DMRT1: variants seen among roughly 807,000 people sequenced by gnomAD.
DMRT1 encodes the protein doublesex and mab-3 related transcription factor 1.
In DMRT1, 7 loss-of-function variants were observed where a neutral mutation model predicts 32.3. That is an observed-to-expected ratio of 0.22 (90% CI 0.12 to 0.41). The LOEUF is 0.41. Among genes scored for constraint, DMRT1 ranks in the 10% least tolerant of loss-of-function variants. The pLI, the probability that DMRT1 is intolerant of heterozygous loss-of-function variation, is 1.00. For missense variants in DMRT1, 625 were observed against 500.5 expected, an observed-to-expected ratio of 1.25 and a Z score of -2.37; for synonymous variants, 278 against 206.1, an observed-to-expected ratio of 1.35 and a Z score of -2.99.
intron 4 of DMRT1, among the ~76,000 whole-genome samples, chr9:933,975 C>G (rs1334182172): frequency 6.6e-6 from 1 of 151,502 alleles, no homozygotes; most frequent in African/African-American, 2.4e-5. Flanking sequence ...TGAGTGACTG[C>G]TAACAGAATT....
At chr9:890,763 G>A (rs951422688) in intron 2 of DMRT1, among the ~76,000 whole-genome samples, 1 of 152,134 alleles carries the variant, frequency 6.6e-6, no homozygotes, top group Non-Finnish European at 1.5e-5. Flanking sequence ...CACCCAGGCT[G>A]GAGTGCAGTG....
intron 4 of DMRT1, among the ~76,000 whole-genome samples, chr9:951,415 T>C (rs1219374347): frequency 6.6e-6 from 1 of 152,176 alleles, no homozygotes; most frequent in Non-Finnish European, 1.5e-5. Flanking sequence ...TTCTGTAAAT[T>C]ATGAAAATTT....
intron 2 of DMRT1, among the ~76,000 whole-genome samples, chr9:862,106 TG>T (rs1398170628): frequency 2.8e-5 from 2 of 70,642 alleles, no homozygotes; most frequent in Admixed American, 1.4e-4. Flanking sequence ...GGGTGGCGGC[TG>T]GGCAGAGGCT....
chr9:871,702 C>A (rs1275813333), intron 2 of DMRT1, among the ~76,000 whole-genome samples: 1 of 148,920 alleles, frequency 6.7e-6, no homozygotes, highest in Non-Finnish European at 1.5e-5. Context: ...TCTCAATCTC[C>A]TGACCTCGTG....
chr9:943,778 A>C (rs981913856), intron 4 of DMRT1, among the ~76,000 whole-genome samples: 5 of 152,186 alleles, frequency 3.3e-5, no homozygotes, highest in African/African-American at 1.2e-4. Context: ...AAGAGGATTT[A>C]TTTTTGTAAG....
intron 2 of DMRT1, among the ~76,000 whole-genome samples, chr9:890,097 T>G (rs957615570): frequency 3.4e-5 from 5 of 147,962 alleles, no homozygotes; most frequent in African/African-American, 1.3e-4. Context: ...TTTTTTTTTT[T>G]TTTTTTTTTG....
At chr9:918,364 C>A (rs1006556358) in intron 4 of DMRT1, among the ~76,000 whole-genome samples, 30 of 152,252 alleles carry the variant, frequency 2.0e-4, no homozygotes, top group African/African-American at 6.7e-4. Flanking sequence ...GAAGCACTGG[C>A]GTTCTTGAGA....
At position 841,861 on chromosome 9, in the gene DMRT1, G is replaced by A. The variant is rs768098215; in HGVS notation, c.23G>A (p.Ser8Asn). The change falls in exon 1 of 5, where the codon AGC (serine) becomes AAC (asparagine). Residue 8 changes from serine (S) to asparagine (N), a missense_variant. Around this residue, in one of 3 missense-constraint regions of DMRT1, gnomAD observed 201 missense variants for 152.0 expected, o/e 1.32. Transcript: ENST00000382276. MPNDEAF[S>N]KPSTPSEAPH... Reference sequence around the variant, plus strand: ...ACCATGCCCAACGACGAGGCATTCAGCAAGCCCTCTACACCGTCGGAAGCC... The same window carrying A: ...ACCATGCCCAACGACGAGGCATTCAACAAGCCCTCTACACCGTCGGAAGCC... The A allele has an allele frequency of 6.2e-7, 1 of 1,612,784 alleles. No homozygotes were observed. Among genetic ancestry groups the A allele is most frequent in the South Asian group, 1.1e-5 (1 of 90,878 alleles).
rs1482792639 is a variant in DMRT1 at position 916,786 on chromosome 9, T to G, written c.846T>G (p.His282Gln). The G allele has an allele frequency of 6.2e-7, 1 of 1,614,226 alleles. No homozygotes were observed. Among genetic ancestry groups the G allele is most frequent in the Non-Finnish European group, 8.5e-7 (1 of 1,180,042 alleles). Residue 282 changes from histidine to glutamine, a missense_variant, in exon 4 of 5, where the codon CAT becomes CAG. Around this residue, in one of 3 missense-constraint regions of DMRT1, gnomAD observed 416 missense variants for 321.6 expected, o/e 1.29. Coordinates refer to ENST00000382276, the MANE Select transcript of DMRT1 (RefSeq NM_021951.3). ...AGATGAAGAACATGGAGAACCGCCA[T>G]GCAATGAGCTCCCAGTACAGGATGC... Reference protein sequence around the residue: ...QWQMKNMENRHAMSSQYRMHS... With the variant: ...QWQMKNMENRQAMSSQYRMHS...
At chr9:862,067 A>G (rs1229129369) in intron 2 of DMRT1, among the ~76,000 whole-genome samples, 7 of 146,716 alleles carry the variant, frequency 4.8e-5, no homozygotes, top group South Asian at 2.2e-4. Flanking sequence ...ATGGGCGGCC[A>G]GGCAGAGACG....
At chr9:882,582 T>A (rs1816773059) in intron 2 of DMRT1, among the ~76,000 whole-genome samples, 1 of 152,046 alleles carries the variant, frequency 6.6e-6, no homozygotes, top group Non-Finnish European at 1.5e-5. Context: ...CTGCACACAA[T>A]GGATGGGCTT....
At chr9:866,136 C>T (rs1194091329) in intron 2 of DMRT1, among the ~76,000 whole-genome samples, 1 of 116,680 alleles carries the variant, frequency 8.6e-6, no homozygotes, top group African/African-American at 3.2e-5. Context: ...TGCACTCCAG[C>T]CTGGGTGACA....
chr9:894,640 T>G (rs959275463), intron 3 of DMRT1: 20 of 279,134 alleles, frequency 7.2e-5, no homozygotes, highest in Non-Finnish European at 1.2e-4. Context: ...GTGGCAGTAA[T>G]CTGCGTGATG....
intron 1 of DMRT1, chr9:843,016 C>G (rs1438986556): frequency 6.6e-6 from 1 of 152,212 alleles, no homozygotes; most frequent in Non-Finnish European, 1.5e-5. Context: ...CCCCGCTCTT[C>G]TAGCAGAGAA....
rs189649615 is a variant in DMRT1, at chr9:846,473, C to T, written c.355-487C>T. Among the ~76,000 whole-genome samples the T allele has an allele frequency of 8.3e-4, 126 of 152,270 alleles. 1 individual carries two copies. Among genetic ancestry groups the T allele is most frequent in the Non-Finnish European group, 2.1e-4 (14 of 68,012 alleles). On this transcript the variant is annotated intron_variant, in intron 1 of 4. Transcript: ENST00000382276. ...TTTCCTTCCTAATCTGTTAGTGCTT[C>T]TGACCCACTCTACTCTTCAGATTGT...
At chr9:966,726 GTAAA>G (rs2130020804) in intron 4 of DMRT1, among the ~76,000 whole-genome samples, 1 of 152,282 alleles carries the variant, frequency 6.6e-6, no homozygotes, top group Admixed American at 6.5e-5. Context: ...CGTAACGAGT[GTAAA>G]TAGTGTTCAG....
intron 3 of DMRT1, among the ~76,000 whole-genome samples, chr9:899,905 G>A (rs1383889386): frequency 6.6e-6 from 1 of 152,172 alleles, no homozygotes; most frequent in African/African-American, 2.4e-5. Context: ...TTCCAGCCAC[G>A]TTTAGGGTGT....
chr9:892,032 A>G (rs1817171605), intron 2 of DMRT1, among the ~76,000 whole-genome samples: 1 of 152,100 alleles, frequency 6.6e-6, no homozygotes, highest in Non-Finnish European at 1.5e-5. Flanking sequence ...CACTGGAGTC[A>G]TCTCTTTGGA....
intron 3 of DMRT1, among the ~76,000 whole-genome samples, chr9:910,731 C>T (rs1817943793): frequency 6.6e-6 from 1 of 152,118 alleles, no homozygotes; most frequent in African/African-American, 2.4e-5. Context: ...CATCCTCCAC[C>T]AGCCAGCTCT....
Sources: gnomAD v4.1 joint callset for allele counts (sites outside exome capture counted in the v4.1 genomes callset) on GRCh38, gnomAD v4.1.1 for gene constraint, gnomAD v4.1.1 regional missense constraint, MANE v1.5 for transcripts, NCBI Gene and HGNC (gene_info 2026-07-23, HGNC 2026-07-21) for gene names.